LRRC4C: variants seen among roughly 807,000 people sequenced by gnomAD.
LRRC4C encodes the protein leucine-rich repeat-containing protein 4C.
Under a neutral mutation model 33.6 loss-of-function variants are expected in LRRC4C, and 5 were observed. That is an observed-to-expected ratio of 0.15 (90% CI 0.08 to 0.31). The LOEUF is 0.31. Ranked by LOEUF, LRRC4C falls within the 10% of genes least tolerant of loss-of-function variation. The pLI is 1.00. For missense variants in LRRC4C, 560 were observed against 796.7 expected (o/e 0.70, Z 3.58); for synonymous variants, 329 against 302.0 (o/e 1.09, Z -0.93).
chr11:40,489,399 C>A (rs1248897994), intron 3 of LRRC4C, among the ~76,000 whole-genome samples: 2 of 152,036 alleles, frequency 1.3e-5, no homozygotes, highest in Non-Finnish European at 2.9e-5. Flanking sequence ...ACTTTCATAA[C>A]CCTCTTTCCT....
chr11:40,987,749 C>T (rs1853178537), intron 1 of LRRC4C, among the ~76,000 whole-genome samples: 1 of 148,768 alleles, frequency 6.7e-6, no homozygotes, highest in East Asian at 2.0e-4. Context: ...AAATCGTGGT[C>T]TCTTTTGCAG....
chr11:40,780,627 G>A (rs1950175665), intron 2 of LRRC4C, among the ~76,000 whole-genome samples: 1 of 152,108 alleles, frequency 6.6e-6, no homozygotes, highest in South Asian at 2.1e-4. Flanking sequence ...TAGATACAAA[G>A]GGTCATCACC....
chr11:41,443,289 C>A (rs967660835), intron 1 of LRRC4C, among the ~76,000 whole-genome samples: 2 of 152,014 alleles, frequency 1.3e-5, no homozygotes, highest in Non-Finnish European at 2.9e-5. Flanking sequence ...AAGAGGATCA[C>A]TTGAGCTCAG....
chr11:41,286,348 A>T (rs557789567), intron 1 of LRRC4C, among the ~76,000 whole-genome samples: 2 of 152,284 alleles, frequency 1.3e-5, no homozygotes, highest in East Asian at 3.9e-4. Context: ...ATTGAGTCAA[A>T]TCTCCGGGAC....
At chr11:40,217,888 A>C (rs1215525160) in intron 5 of LRRC4C, among the ~76,000 whole-genome samples, 1 of 152,164 alleles carries the variant, frequency 6.6e-6, no homozygotes, top group Non-Finnish European at 1.5e-5. Context: ...TAATTGAAAA[A>C]ACTACAGCCT....
intron 3 of LRRC4C, among the ~76,000 whole-genome samples, chr11:40,587,245 T>A (rs1591191181): frequency 6.7e-6 from 1 of 148,818 alleles, no homozygotes; most frequent in Non-Finnish European, 1.5e-5. Context: ...CAATTGTGAA[T>A]GGGAGTTCAC....
chr11:41,028,089 C>T (rs191955156), intron 1 of LRRC4C, among the ~76,000 whole-genome samples: 4 of 151,684 alleles, frequency 2.6e-5, no homozygotes, highest in African/African-American at 7.2e-5. Flanking sequence ...AACCAATTCA[C>T]ATAAACAAAA....
At chr11:41,061,482 G>C (rs934903206) in intron 1 of LRRC4C, among the ~76,000 whole-genome samples, 1 of 152,170 alleles carries the variant, frequency 6.6e-6, no homozygotes, top group Non-Finnish European at 1.5e-5. Flanking sequence ...TCTAGACTCT[G>C]AATATGTTAC....
intron 1 of LRRC4C, among the ~76,000 whole-genome samples, chr11:40,933,937 T>A (rs1344967248): frequency 1.3e-5 from 2 of 152,200 alleles, no homozygotes; most frequent in East Asian, 3.8e-4. Context: ...TGCAAAATGA[T>A]GTCAATCACA....
chr11:41,002,436 C>G (rs1854450941), intron 1 of LRRC4C, among the ~76,000 whole-genome samples: 1 of 152,112 alleles, frequency 6.6e-6, no homozygotes, highest in Non-Finnish European at 1.5e-5. Flanking sequence ...TAGAGCAAAT[C>G]TCAAGGGAAG....
intron 1 of LRRC4C, among the ~76,000 whole-genome samples, chr11:41,378,293 G>C (rs889338515): frequency 2.6e-5 from 4 of 152,120 alleles, no homozygotes; most frequent in Admixed American, 2.6e-4. Flanking sequence ...CAAAGTGCCA[G>C]GAGAAATGAA....
chr11:40,990,240 TA>T, intron 1 of LRRC4C, among the ~76,000 whole-genome samples: 1 of 102,326 alleles, frequency 9.8e-6, no homozygotes, highest in South Asian at 3.2e-4. Context: ...TTTATATATA[TA>T]TATATATATA....
chr11:40,906,637 C>T (rs1238898786), intron 2 of LRRC4C, among the ~76,000 whole-genome samples: 1 of 151,620 alleles, frequency 6.6e-6, no homozygotes, highest in Admixed American at 6.6e-5. Flanking sequence ...TTTGATATTC[C>T]CTTTATTGTG....
Position 40,941,550 on chromosome 11 carries a change from G to A in LRRC4C, c.-495-7827C>T, listed in dbSNP as rs1337260325. ...ACTTGAACTCAAGAAAATATTTTGG[G>A]CATGGGGAAGCTAAATGGTAATACT... On this transcript the variant is annotated intron_variant, in intron 1 of 6. Coordinates refer to ENST00000528697, the MANE Select transcript of LRRC4C (RefSeq NM_001258419.2). Among the ~76,000 whole-genome samples, 4 of 152,190 alleles carry A rather than the reference G, an allele frequency of 2.6e-5. 1 individual carries two copies. Among genetic ancestry groups the A allele is most frequent in the Middle Eastern group, 6.8e-3 (2 of 292 alleles).
intron 5 of LRRC4C, among the ~76,000 whole-genome samples, chr11:40,231,435 T>A (rs1287715922): frequency 2.7e-5 from 4 of 149,760 alleles, no homozygotes; most frequent in African/African-American, 7.3e-5. Flanking sequence ...TATACACATA[T>A]AAGTACATTA....
chr11:40,991,827 G>T (rs965724062), intron 1 of LRRC4C, among the ~76,000 whole-genome samples: 3 of 152,144 alleles, frequency 2.0e-5, no homozygotes, highest in African/African-American at 7.2e-5. Context: ...TGAGCGAGGG[G>T]AATTGGCTGT....
At chr11:40,532,122 A>G (rs1956295414) in intron 3 of LRRC4C, among the ~76,000 whole-genome samples, 1 of 151,044 alleles carries the variant, frequency 6.6e-6, no homozygotes, top group Non-Finnish European at 1.5e-5. Flanking sequence ...AGCTTGGAGA[A>G]GTTTTGGAAT....
At chr11:41,413,942 A>G (rs536764491) in intron 1 of LRRC4C, among the ~76,000 whole-genome samples, 1 of 152,246 alleles carries the variant, frequency 6.6e-6, no homozygotes, top group South Asian at 2.1e-4. Context: ...CCTCCTAGCA[A>G]TGCTTACAAC....
At chr11:40,572,905 T>G (rs1958040999) in intron 3 of LRRC4C, among the ~76,000 whole-genome samples, 1 of 152,224 alleles carries the variant, frequency 6.6e-6, no homozygotes, top group African/African-American at 2.4e-5. Flanking sequence ...ATAAAATGCT[T>G]ATCATTTTTT....
Sources: gnomAD v4.1 joint callset for allele counts (sites outside exome capture counted in the v4.1 genomes callset) on GRCh38, gnomAD v4.1.1 for gene constraint, MANE v1.5 for transcripts, NCBI Gene and HGNC (gene_info 2026-07-23, HGNC 2026-07-21) for gene names.